Variants in RHOJ observed in about 807,000 individuals in gnomAD.
RHOJ encodes the protein rho-related GTP-binding protein RhoJ.
A neutral mutation model predicts 23.4 loss-of-function variants in RHOJ; 11 were observed. The observed-to-expected ratio is 0.47, with a 90% CI of 0.30 to 0.78. RHOJ has a LOEUF of 0.78. RHOJ is among the 30% of genes least tolerant of loss of function. The pLI, the probability that RHOJ is intolerant of heterozygous loss-of-function variation, is 0.08. For synonymous variants in RHOJ, 102 were observed against 102.7 expected, an observed-to-expected ratio of 0.99 and a Z score of 0.04; for missense variants, 254 against 273.4, an observed-to-expected ratio of 0.93 and a Z score of 0.50.
chr14:63,261,697 T>C (rs538923422), intron 1 of RHOJ, among the ~76,000 whole-genome samples: 1 of 152,022 alleles, frequency 6.6e-6, no homozygotes, highest in African/African-American at 2.4e-5. Context: ...TGCCTCAGCC[T>C]CCCAAAGTGC....
chr14:63,230,844 T>TTTTTTTTTC (rs1894680263), intron 1 of RHOJ, among the ~76,000 whole-genome samples: 1 of 145,744 alleles, frequency 6.9e-6, no homozygotes. Context: ...TACAAGGCTT[T>TTTTTTTTTC]TTTTTTTTTT....
intron 1 of RHOJ, among the ~76,000 whole-genome samples, chr14:63,221,141 C>A (rs2139737376): frequency 6.6e-6 from 1 of 152,174 alleles, no homozygotes; most frequent in Non-Finnish European, 1.5e-5. Flanking sequence ...CCAGCCTGGG[C>A]AACATGAGGA....
At chr14:63,263,930 C>T (rs1439110384) in intron 1 of RHOJ, among the ~76,000 whole-genome samples, 6 of 151,958 alleles carry the variant, frequency 3.9e-5, no homozygotes, top group Admixed American at 3.9e-4. Flanking sequence ...CTGGGTAGCT[C>T]TTGGCCATCC....
At chr14:63,252,805 G>T (rs1225634563) in intron 1 of RHOJ, among the ~76,000 whole-genome samples, 1 of 152,072 alleles carries the variant, frequency 6.6e-6, no homozygotes, top group Admixed American at 6.6e-5. Flanking sequence ...AAGAGATGGG[G>T]TATCATTATG....
intron 1 of RHOJ, among the ~76,000 whole-genome samples, chr14:63,261,743 A>G (rs1002694772): frequency 1.3e-5 from 2 of 152,094 alleles, no homozygotes; most frequent in African/African-American, 2.4e-5. Context: ...ACTTAGCCTA[A>G]CATTGCTTTT....
intron 1 of RHOJ, among the ~76,000 whole-genome samples, chr14:63,230,413 G>C (rs1894669280): frequency 6.6e-6 from 1 of 151,666 alleles, no homozygotes; most frequent in Non-Finnish European, 1.5e-5. Flanking sequence ...TTATTATATG[G>C]TATTATTTGG....
intron 1 of RHOJ, among the ~76,000 whole-genome samples, chr14:63,242,533 A>C (rs1443776917): frequency 6.6e-6 from 1 of 152,054 alleles, no homozygotes; most frequent in Non-Finnish European, 1.5e-5. Context: ...GTGCCACTGC[A>C]CTCCAGGACG....
chr14:63,283,368 T>A, intron 4 of RHOJ, 152 bp downstream of exon 4: 1 of 675,240 alleles, frequency 1.5e-6, no homozygotes, highest in Non-Finnish European at 2.6e-6. Context: ...TCTGTTCTAG[T>A]CGGGCTGGAA....
chr14:63,252,246 C>A (rs957294922), intron 1 of RHOJ, among the ~76,000 whole-genome samples: 2 of 152,182 alleles, frequency 1.3e-5, no homozygotes, highest in Non-Finnish European at 1.5e-5. Context: ...AGCACCTCAA[C>A]CTCTGCTTCT....
chr14:63,255,791 C>G (rs1594767695), intron 1 of RHOJ, among the ~76,000 whole-genome samples: 1 of 152,210 alleles, frequency 6.6e-6, no homozygotes, highest in Non-Finnish European at 1.5e-5. Flanking sequence ...AATGCCAACT[C>G]TACCATGAAC....
At chr14:63,207,016 A>ATTTCT (rs1307778498) in intron 1 of RHOJ, among the ~76,000 whole-genome samples, 4 of 149,088 alleles carry the variant, frequency 2.7e-5, no homozygotes, top group East Asian at 2.0e-4. Context: ...TGAAGTGGTC[A>ATTTCT]TTTCTTTTCT....
At chr14:63,208,289 C>T (rs745677020) in intron 1 of RHOJ, among the ~76,000 whole-genome samples, 5 of 152,208 alleles carry the variant, frequency 3.3e-5, no homozygotes, top group Non-Finnish European at 7.3e-5. Flanking sequence ...TCCAAAAGCA[C>T]ATCTGCTCCA....
At chr14:63,290,235 C>T (rs1049606224) in intron 4 of RHOJ, among the ~76,000 whole-genome samples, 1 of 152,086 alleles carries the variant, frequency 6.6e-6, no homozygotes, top group Non-Finnish European at 1.5e-5. Flanking sequence ...GAGCGAAATC[C>T]ATCTCAAAAA....
intron 1 of RHOJ, among the ~76,000 whole-genome samples, chr14:63,262,808 G>C (rs1435232015): frequency 6.6e-6 from 1 of 152,194 alleles, no homozygotes; most frequent in Non-Finnish European, 1.5e-5. Context: ...GGGTATACTG[G>C]GCATGGAGAC....
intron 1 of RHOJ, among the ~76,000 whole-genome samples, chr14:63,253,526 T>C (rs1895109657): frequency 6.6e-6 from 1 of 152,172 alleles, no homozygotes; most frequent in Non-Finnish European, 1.5e-5. Flanking sequence ...ATACTGTACC[T>C]GGCCCCTAGA....
chr14:63,249,937 A>C (rs564594213), intron 1 of RHOJ, among the ~76,000 whole-genome samples: 1 of 152,346 alleles, frequency 6.6e-6, no homozygotes, highest in Admixed American at 6.5e-5. Flanking sequence ...AATTTGCACA[A>C]GCAACAAATT....
At chr14:63,271,616 C>G (rs1324812255) in intron 2 of RHOJ, among the ~76,000 whole-genome samples, 1 of 152,112 alleles carries the variant, frequency 6.6e-6, no homozygotes, top group Non-Finnish European at 1.5e-5. Flanking sequence ...TTTTTTGAGA[C>G]AGGGTTTCAC....
chr14:63,215,287 C>A (rs1894330868), intron 1 of RHOJ, among the ~76,000 whole-genome samples: 1 of 152,124 alleles, frequency 6.6e-6, no homozygotes, highest in Non-Finnish European at 1.5e-5. Context: ...CTCAGCCACC[C>A]TTATCTGGAC....
At chr14:63,288,713 A>G (rs938155795) in intron 4 of RHOJ, among the ~76,000 whole-genome samples, 9 of 152,174 alleles carry the variant, frequency 5.9e-5, no homozygotes, top group African/African-American at 1.7e-4. Context: ...TAGATTTTCA[A>G]CATCCAACAT....
Sources: allele counts gnomAD v4.1 joint callset (sites outside exome capture counted in the v4.1 genomes callset), GRCh38; gene constraint gnomAD v4.1.1; transcripts MANE v1.5; gene names NCBI Gene and HGNC (gene_info 2026-07-23, HGNC 2026-07-21).